DNM3: variants seen among roughly 807,000 people sequenced by gnomAD.
DNM3 encodes dynamin-3.
A neutral mutation model predicts 101.6 loss-of-function variants in DNM3; 47 were observed. The ratio of observed to expected loss-of-function variants is 0.46; its 90% CI spans 0.37 to 0.59. The LOEUF (loss-of-function observed/expected upper bound fraction) is 0.59, where lower values mean the gene tolerates loss of function less well. DNM3 is among the 20% of genes least tolerant of loss of function. The pLI is 0.00. For synonymous variants in DNM3, 385 were observed against 387.9 expected, an observed-to-expected ratio of 0.99 and a Z score of 0.09; for missense variants, 849 against 1,085.7, an observed-to-expected ratio of 0.78 and a Z score of 3.06.
intron 14 of DNM3, among the ~76,000 whole-genome samples, chr1:172,175,746 A>G (rs993469529): frequency 6.6e-6 from 1 of 151,834 alleles, no homozygotes. Flanking sequence ...TTTACATTGA[A>G]TATTAGTATG....
At chr1:172,132,004 C>A (rs1373420156) in intron 14 of DNM3, among the ~76,000 whole-genome samples, 2 of 152,138 alleles carry the variant, frequency 1.3e-5, no homozygotes, top group African/African-American at 4.8e-5. Context: ...TGAGGGAGCA[C>A]AGATAGAAAT....
intron 4 of DNM3, among the ~76,000 whole-genome samples, chr1:172,000,866 C>T (rs1406119346): frequency 6.6e-6 from 1 of 152,026 alleles, no homozygotes; most frequent in Non-Finnish European, 1.5e-5. Flanking sequence ...AAAAATGAAA[C>T]ACTAACAATA....
rs373618326 is a variant in DNM3 at position 172,048,758 on chromosome 1, C to T, written c.1335+8C>T. On this transcript the variant is annotated splice_region_variant and intron_variant, in intron 10 of 20. Coordinates refer to ENST00000627582, the MANE Select transcript of DNM3 (RefSeq NM_015569.5). Reference sequence around the variant, plus strand: ...AAGAAGTGTACCAAAAAAGTAAGTTCGAATTATTTAACTTTCCAGTACGTG... The same window carrying T: ...AAGAAGTGTACCAAAAAAGTAAGTTTGAATTATTTAACTTTCCAGTACGTG... 2.7e-5 allele frequency: 44 copies of T among 1,609,416 alleles called. No homozygotes were observed. Among genetic ancestry groups the T allele is most frequent in the South Asian group, 1.8e-4 (16 of 90,002 alleles).
At chr1:172,239,968 A>G (rs1295593768) in intron 14 of DNM3, among the ~76,000 whole-genome samples, 1 of 151,852 alleles carries the variant, frequency 6.6e-6, no homozygotes, top group African/African-American at 2.4e-5. Flanking sequence ...CTGTGCTTGC[A>G]GTGATCCAGC....
chr1:171,953,771 A>C (rs1284311774), intron 2 of DNM3, among the ~76,000 whole-genome samples: 3 of 152,148 alleles, frequency 2.0e-5, no homozygotes, highest in Admixed American at 2.0e-4. Context: ...CCTCATTTAA[A>C]AAATTTTAAC....
chr1:171,855,128 A>G (rs565953413), intron 1 of DNM3, among the ~76,000 whole-genome samples: 53 of 152,220 alleles, frequency 3.5e-4, no homozygotes, highest in Non-Finnish European at 5.6e-4. Flanking sequence ...AGAACAGGCA[A>G]CATTTGGTTG....
At chr1:171,845,871 ATG>A (rs1384022035) in intron 1 of DNM3, among the ~76,000 whole-genome samples, 1 of 152,236 alleles carries the variant, frequency 6.6e-6, no homozygotes, top group Non-Finnish European at 1.5e-5. Flanking sequence ...TAGTTTTTCA[ATG>A]CTAATTATAT....
chr1:172,300,769 A>G (rs1351503471), intron 15 of DNM3, among the ~76,000 whole-genome samples: 1 of 152,234 alleles, frequency 6.6e-6, no homozygotes, highest in East Asian at 1.9e-4. Flanking sequence ...GCTATTGTAT[A>G]ATAATAGTCC....
At chr1:172,393,602 T>TAAA (rs1294933679) in intron 20 of DNM3, 1 of 107,136 alleles carries the variant, frequency 9.3e-6, no homozygotes, top group Non-Finnish European at 2.3e-5. Context: ...AACAGCCCTC[T>TAAA]AAAAGTCTGA....
intron 2 of DNM3, among the ~76,000 whole-genome samples, chr1:171,950,570 A>G (rs1055584719): frequency 6.6e-6 from 1 of 152,218 alleles, no homozygotes; most frequent in Non-Finnish European, 1.5e-5. Flanking sequence ...TTATTAGGAC[A>G]TAACTTCATT....
intron 20 of DNM3, among the ~76,000 whole-genome samples, chr1:172,401,230 T>G (rs1034159959): frequency 2.0e-5 from 3 of 152,222 alleles, no homozygotes; most frequent in South Asian, 2.1e-4. Context: ...TGTTCTATTC[T>G]ATTGAAAAGC....
At chr1:172,064,020 CTA>C (rs2051458869) in intron 10 of DNM3, among the ~76,000 whole-genome samples, 1 of 152,076 alleles carries the variant, frequency 6.6e-6, no homozygotes, top group Non-Finnish European at 1.5e-5. Flanking sequence ...CCACTCAAGA[CTA>C]TGTGGTTTCT....
chr1:172,318,591 T>C (rs9425556), intron 16 of DNM3, among the ~76,000 whole-genome samples: 96,490 of 151,838 alleles, frequency 0.64, 32,993 homozygotes, highest in African/African-American at 0.91. Context: ...TATACACCAA[T>C]AACAGACAAA....
intron 15 of DNM3, among the ~76,000 whole-genome samples, chr1:172,280,513 C>T (rs2063451536): frequency 6.6e-6 from 1 of 152,174 alleles, no homozygotes; most frequent in African/African-American, 2.4e-5. Context: ...GAATATGCTA[C>T]AGCTTACTTC....
chr1:172,056,630 G>T (rs1467348772), intron 10 of DNM3, among the ~76,000 whole-genome samples: 1 of 151,896 alleles, frequency 6.6e-6, no homozygotes, highest in African/African-American at 2.4e-5. Context: ...GCAGCTGAGG[G>T]TCCTGTCTGT....
chr1:172,297,330 C>T (rs1010525401), intron 15 of DNM3, among the ~76,000 whole-genome samples: 1 of 151,896 alleles, frequency 6.6e-6, no homozygotes. Flanking sequence ...TTTTCAACCT[C>T]TTCTATATTT....
At chr1:171,850,236 A>C (rs1408585558) in intron 1 of DNM3, among the ~76,000 whole-genome samples, 2 of 151,532 alleles carry the variant, frequency 1.3e-5, no homozygotes, top group Non-Finnish European at 2.9e-5. Context: ...ATACCAAATC[A>C]CTCTTTTTTC....
intron 15 of DNM3, among the ~76,000 whole-genome samples, chr1:172,288,143 A>G (rs1000889003): frequency 6.6e-6 from 1 of 152,230 alleles, no homozygotes; most frequent in Non-Finnish European, 1.5e-5. Context: ...AATTCACAGT[A>G]TAGTGAGAGA....
At chr1:172,028,927 A>C (rs1456713685) in intron 4 of DNM3, among the ~76,000 whole-genome samples, 3 of 152,188 alleles carry the variant, frequency 2.0e-5, no homozygotes, top group Non-Finnish European at 4.4e-5. Flanking sequence ...TAGCCTACCA[A>C]CCAAAAAAAA....
Sources: allele counts gnomAD v4.1 joint callset (sites outside exome capture counted in the v4.1 genomes callset), GRCh38; gene constraint gnomAD v4.1.1; transcripts MANE v1.5; gene names NCBI Gene and HGNC (gene_info 2026-07-23, HGNC 2026-07-21).